FSTL4: variants seen among roughly 807,000 people sequenced by gnomAD.
FSTL4 encodes follistatin-related protein 4.
FSTL4 carries 28 observed loss-of-function variants against 78.2 expected under a neutral mutation model. The ratio of observed to expected loss-of-function variants is 0.36; its 90% confidence interval spans 0.27 to 0.49. The LOEUF (loss-of-function observed/expected upper bound fraction) is 0.49, where lower values mean the gene tolerates loss of function less well. Among genes scored for constraint, FSTL4 ranks in the 20% least tolerant of loss-of-function variants. The pLI, the probability that FSTL4 is intolerant of heterozygous loss-of-function variation, is 0.98. For missense variants in FSTL4, 922 were observed against 1,084.9 expected (o/e 0.85, Z 2.11); for synonymous variants, 422 against 440.5 (o/e 0.96, Z 0.53).
intron 3 of FSTL4, among the ~76,000 whole-genome samples, chr5:133,564,362 T>C (rs1023645014): frequency 2.0e-5 from 3 of 152,114 alleles, no homozygotes; most frequent in Non-Finnish European, 2.9e-5. Flanking sequence ...GCCAGGAAAA[T>C]CTAATGATAG....
intron 14 of FSTL4, among the ~76,000 whole-genome samples, chr5:133,209,144 T>C (rs1334457645): frequency 6.6e-6 from 1 of 152,216 alleles, no homozygotes. Flanking sequence ...GTGTCCAGGC[T>C]CTCTGATAGG....
At chr5:133,204,997 CT>C (rs200410608) in intron 14 of FSTL4, among the ~76,000 whole-genome samples, 17,294 of 150,066 alleles carry the variant, frequency 0.12, 1,145 homozygotes, top group Middle Eastern at 0.27. Context: ...TGATTTCATA[CT>C]TTTTTTTTGT....
intron 3 of FSTL4, among the ~76,000 whole-genome samples, chr5:133,560,239 C>G (rs1253109915): frequency 1.3e-5 from 2 of 152,352 alleles, no homozygotes; most frequent in East Asian, 3.9e-4. Context: ...GAGCCCTGAG[C>G]TATCCACCAC....
chr5:133,774,874 C>T, the FSTL4 span, among the ~76,000 whole-genome samples: 1 of 151,976 alleles, frequency 6.6e-6, no homozygotes, highest in Non-Finnish European at 1.5e-5. Context: ...GACATGCATG[C>T]CAGAAAATGG....
the FSTL4 span, among the ~76,000 whole-genome samples, chr5:133,715,269 T>A: frequency 2.6e-5 from 4 of 152,192 alleles, no homozygotes; most frequent in Admixed American, 6.5e-5. Context: ...GGAGAAAAAA[T>A]ATCCAGCTTG....
intron 4 of FSTL4, among the ~76,000 whole-genome samples, chr5:133,385,044 G>A (rs746039649): frequency 2.0e-5 from 3 of 152,086 alleles, no homozygotes; most frequent in Non-Finnish European, 2.9e-5. Context: ...CAGACTGGAC[G>A]TGCTCCGTTG....
At chr5:133,242,663 C>T (rs946825470) in intron 7 of FSTL4, among the ~76,000 whole-genome samples, 3 of 152,148 alleles carry the variant, frequency 2.0e-5, no homozygotes, top group Admixed American at 6.5e-5. Flanking sequence ...CCATAGGCCC[C>T]GGCCCCCATA....
chr5:133,744,480 C>T, the FSTL4 span, among the ~76,000 whole-genome samples: 1 of 152,300 alleles, frequency 6.6e-6, no homozygotes, highest in Admixed American at 6.5e-5. Context: ...TCACTAGGCA[C>T]CACGACATCC....
intron 4 of FSTL4, among the ~76,000 whole-genome samples, chr5:133,396,749 T>G (rs1756059430): frequency 6.6e-6 from 1 of 152,192 alleles, no homozygotes; most frequent in African/African-American, 2.4e-5. Context: ...AAATGGCTCT[T>G]TGGCAGGAAG....
chr5:133,617,006 A>G (rs904805622), upstream of FSTL4, among the ~76,000 whole-genome samples: 16 of 152,130 alleles, frequency 1.1e-4, no homozygotes, highest in African/African-American at 3.6e-4. Context: ...CTTCAGATCA[A>G]GAAGTCCTGT....
At chr5:133,249,362 C>T in intron 7 of FSTL4, 48 bp downstream of exon 7, 1 of 1,486,904 alleles carries the variant, frequency 6.7e-7, no homozygotes, top group Non-Finnish European at 9.4e-7. Context: ...CCAGTGTACT[C>T]TCCCAGGGAG....
chr5:133,491,991 C>T (rs2112868971), intron 3 of FSTL4, among the ~76,000 whole-genome samples: 1 of 152,296 alleles, frequency 6.6e-6, no homozygotes, highest in East Asian at 1.9e-4. Context: ...TACTTCTCTG[C>T]TGTCTACTGA....
chr5:133,516,639 C>T (rs972079653), intron 3 of FSTL4, among the ~76,000 whole-genome samples: 2 of 152,028 alleles, frequency 1.3e-5, no homozygotes, highest in Non-Finnish European at 2.9e-5. Context: ...GGGAACATAA[C>T]AAAAATTATT....
chr5:133,269,396 G>A (rs1752718159), intron 6 of FSTL4, among the ~76,000 whole-genome samples: 2 of 152,168 alleles, frequency 1.3e-5, no homozygotes, highest in Admixed American at 6.5e-5. Context: ...GCGTGAGACG[G>A]GGGATAAGAG....
At chr5:133,296,837 T>A (rs1753407659) in intron 6 of FSTL4, among the ~76,000 whole-genome samples, 1 of 152,246 alleles carries the variant, frequency 6.6e-6, no homozygotes, top group Non-Finnish European at 1.5e-5. Context: ...ACCTGTTGAA[T>A]TTCTGCAGCC....
the FSTL4 span, among the ~76,000 whole-genome samples, chr5:133,680,978 T>C: frequency 6.6e-6 from 1 of 152,170 alleles, no homozygotes; most frequent in Admixed American, 6.5e-5. Flanking sequence ...CCAGAGTCCT[T>C]CTCCATCATG....
the FSTL4 span, among the ~76,000 whole-genome samples, chr5:133,826,304 G>A: frequency 6.6e-6 from 1 of 152,360 alleles, no homozygotes; most frequent in South Asian, 2.1e-4. Flanking sequence ...GAAAATCCCA[G>A]CCTTTGACTT....
At chr5:133,709,175 C>G in the FSTL4 span, among the ~76,000 whole-genome samples, 1 of 152,192 alleles carries the variant, frequency 6.6e-6, no homozygotes, top group Non-Finnish European at 1.5e-5. Context: ...AGACCACCCC[C>G]GGGTCATATC....
Position 133,199,632 on chromosome 5 carries a change from G to A in FSTL4, c.1992C>T (p.Ser664=), listed in dbSNP as rs574540197. 13 of 1,614,212 alleles carry A rather than the reference G, an allele frequency of 8.1e-6. No individual in the cohort carries two copies. In the African/African-American group the frequency reaches 1.5e-4, roughly 18 times the overall value. Residue 664 remains serine, a synonymous_variant, in exon 16 of 16, where the codon AGC becomes AGT. Transcript: ENST00000265342. The surrounding 1 kb of genome is among the most constrained non-coding windows in gnomAD (Gnocchi z 4.4). ...GCAGCTGTCGGGCAGCAGAGGCGGG[G>A]CTGTCCTGTCGGCACTGGATGAAGA... ...GYFFIQCRQD[S]PASAARQLLV... is the part of the protein sequence containing the mutation.
Sources: gnomAD v4.1 joint callset for allele counts (sites outside exome capture counted in the v4.1 genomes callset) on GRCh38, gnomAD v4.1.1 for gene constraint, Gnocchi (gnomAD v3.1) non-coding constraint, MANE v1.5 for transcripts, NCBI Gene and HGNC (gene_info 2026-07-23, HGNC 2026-07-21) for gene names.